The following CISD1 variants were observed in gnomAD, a reference collection of about 807,000 sequenced individuals.
CISD1 encodes the protein CDGSH iron-sulfur domain-containing protein 1.
Under a neutral mutation model 12.0 loss-of-function variants are expected in CISD1, and 8 were observed. The observed-to-expected ratio is 0.67, with a 90% CI of 0.39 to 1.20. The LOEUF (loss-of-function observed/expected upper bound fraction) is 1.20, where lower values mean the gene tolerates loss of function less well. Among genes scored for constraint, CISD1 ranks in the 50% most tolerant of loss-of-function variants. CISD1 has a pLI of 0.01. For synonymous variants in CISD1, 38 were observed against 42.2 expected, an observed-to-expected ratio of 0.90 and a Z score of 0.39; for missense variants, 107 against 132.7, an observed-to-expected ratio of 0.81 and a Z score of 0.95.
intron 1 of CISD1, among the ~76,000 whole-genome samples, chr10:58,274,301 G>A (rs1312062973): frequency 6.6e-6 from 1 of 151,860 alleles, no homozygotes; most frequent in Non-Finnish European, 1.5e-5. Flanking sequence ...TATCCTAATT[G>A]TTGATTTTTG....
intron 1 of CISD1, among the ~76,000 whole-genome samples, chr10:58,273,110 T>C (rs1430536153): frequency 6.6e-6 from 1 of 152,164 alleles, no homozygotes; most frequent in Non-Finnish European, 1.5e-5. Context: ...GTTTGTTTGT[T>C]TTTAATATAT....
At chr10:58,283,625 A>G (rs1031973763) in intron 2 of CISD1, among the ~76,000 whole-genome samples, 6 of 152,194 alleles carry the variant, frequency 3.9e-5, no homozygotes, top group African/African-American at 1.4e-4. Context: ...AAACAGAGGC[A>G]TAACTTGAGA....
intron 2 of CISD1, among the ~76,000 whole-genome samples, chr10:58,279,912 A>G (rs1440881634): frequency 6.6e-6 from 1 of 152,196 alleles, no homozygotes; most frequent in Non-Finnish European, 1.5e-5. Context: ...CAGGAGGATC[A>G]CTTGAGGCCA....
intron 2 of CISD1, among the ~76,000 whole-genome samples, chr10:58,282,688 G>A (rs1839385988): frequency 6.6e-6 from 1 of 152,246 alleles, no homozygotes; most frequent in Non-Finnish European, 1.5e-5. Flanking sequence ...TAGAGGAAAT[G>A]ATTAAAGTGA....
At chr10:58,272,310 T>A (rs1251080039) in intron 1 of CISD1, among the ~76,000 whole-genome samples, 1 of 152,014 alleles carries the variant, frequency 6.6e-6, no homozygotes, top group South Asian at 2.1e-4. Context: ...TTTTTTTTTT[T>A]ACTTTACCCT....
In CISD1 at chr10:58,277,051, A is replaced by C. The variant is rs541607875; in HGVS notation, c.32-66A>C. The C allele has an allele frequency of 2.5e-5, 28 of 1,137,780 alleles. No individual in the cohort carries two copies. In the Admixed American group the frequency reaches 5.2e-4, roughly 21 times the overall value. The allele number at this position is 1,137,780 out of a possible 1,614,324, so 70.5% of individuals were successfully genotyped here. ...ATACTCAAAAACTGGATTTTCTGAC[A>C]TGCATGTGATATTATTGGTGTATAT... On this transcript the variant is annotated intron_variant, in intron 1 of 2. Coordinates refer to ENST00000333926, the MANE Select transcript of CISD1 (RefSeq NM_018464.5).
At chr10:58,283,653 G>T (rs995920725) in intron 2 of CISD1, among the ~76,000 whole-genome samples, 17 of 152,204 alleles carry the variant, frequency 1.1e-4, no homozygotes, top group African/African-American at 3.6e-4. Flanking sequence ...CCATTAAAAA[G>T]AAATGTTGTG....
Position 58,273,063 on chromosome 10 carries a change from T to C in CISD1, c.31+3759T>C, listed in dbSNP as rs183992490. 1.7e-4 allele frequency among the ~76,000 whole-genome samples: 26 copies of C among 152,318 alleles called. No individual in the cohort carries two copies. The East Asian group carries it at 2.5e-3, about 15-fold the overall frequency. ...TCCATAATAAAGTTTTTTTAAAACATAGCTTCTTATATATACCTGAAGTTT... is the reference window on the plus strand; with the variant it reads ...TCCATAATAAAGTTTTTTTAAAACACAGCTTCTTATATATACCTGAAGTTT... On this transcript the variant is annotated intron_variant, in intron 1 of 2. Coordinates refer to ENST00000333926, the MANE Select transcript of CISD1 (RefSeq NM_018464.5).
rs1469256756 is a variant in CISD1, at chr10:58,288,923, C to G, written c.*1273C>G. 1 of 152,144 alleles carries G rather than the reference C, an allele frequency of 6.6e-6. No individual in the cohort carries two copies. Among genetic ancestry groups the G allele is most frequent in the East Asian group, 1.9e-4 (1 of 5,328 alleles). The allele number at this position is 152,144 out of a possible 1,614,324, so 9.4% of individuals were successfully genotyped here. ...TTTCTACTTGCTAAAATCCATTTAC[C>G]TTGACAGGAATCAAACCTGACAGCA... On this transcript the variant is annotated 3_prime_UTR_variant, in exon 3 of 3. Transcript: ENST00000333926.
At chr10:58,280,422 G>A (rs1839361264) in intron 2 of CISD1, among the ~76,000 whole-genome samples, 1 of 152,170 alleles carries the variant, frequency 6.6e-6, no homozygotes, top group African/African-American at 2.4e-5. Context: ...CTCATTGAAG[G>A]ATCTAAGCAT....
At position 58,271,031 on chromosome 10, in the gene CISD1, G is replaced by A. The variant is rs921996787; in HGVS notation, c.31+1727G>A. On this transcript the variant is annotated intron_variant, in intron 1 of 2. Transcript: ENST00000333926. ...AGATTACATATGTGAGACACCACAC[G>A]TTGCCATGACTATTTTTTTTTTTTT... 4.3e-5 allele frequency among the ~76,000 whole-genome samples: 6 copies of A among 139,286 alleles called. No individual in the cohort carries two copies. In the South Asian group the frequency reaches 1.4e-3, roughly 32 times the overall value. The allele number at this position is 139,286 out of a possible 152,430, so 91.4% of individuals were successfully genotyped here. A position where few individuals can be genotyped will look rare whatever the true frequency, so the allele number is the denominator to read the frequency against.
At chr10:58,272,297 A>G (rs1469460489) in intron 1 of CISD1, among the ~76,000 whole-genome samples, 2 of 147,814 alleles carry the variant, frequency 1.4e-5, no homozygotes, top group Non-Finnish European at 3.0e-5. Context: ...CCCTGAAATC[A>G]CTTTTTTTTT....
intron 2 of CISD1, among the ~76,000 whole-genome samples, chr10:58,283,364 A>T (rs1402978536): frequency 6.6e-6 from 1 of 152,200 alleles, no homozygotes. Flanking sequence ...AAATAGGTAC[A>T]TAAGAATGGT....
chr10:58,272,477 T>A (rs1021410160), intron 1 of CISD1, among the ~76,000 whole-genome samples: 2 of 152,216 alleles, frequency 1.3e-5, no homozygotes, highest in African/African-American at 4.8e-5. Context: ...TCTAATTCAT[T>A]TAACCACAAC....
chr10:58,271,791 T>G (rs988891242), intron 1 of CISD1, among the ~76,000 whole-genome samples: 1 of 152,174 alleles, frequency 6.6e-6, no homozygotes, highest in Non-Finnish European at 1.5e-5. Context: ...AGGCCAGGAC[T>G]GGAATCAGGC....
At chr10:58,287,398 T>C (rs191305799) in intron 2 of CISD1, among the ~76,000 whole-genome samples, 163 bp from the exon 3 acceptor site, 1 of 152,330 alleles carries the variant, frequency 6.6e-6, no homozygotes, top group Admixed American at 6.5e-5. Context: ...TTTCTTCATC[T>C]TACTAAGTAG....
At position 58,277,321 on chromosome 10, in the gene CISD1, A is replaced by G; in HGVS notation, c.236A>G (p.Lys79Arg). The G allele has an allele frequency of 6.4e-7, 1 of 1,570,840 alleles. No homozygotes were observed. The highest frequency in any genetic ancestry group is 1.4e-5 in the African/African-American group (1 of 72,810). Residue 79 changes from lysine (K) to arginine (R), a missense_variant and splice_region_variant, in exon 2 of 3, where the codon AAG becomes AGG. Transcript: ENST00000333926. Reference sequence around the variant, plus strand: ...TACTGCCGTTGTTGGAGGTCCAAAAAGGTGAGGAAAGCAATTCCTTCATAC... The same window carrying G: ...TACTGCCGTTGTTGGAGGTCCAAAAGGGTGAGGAAAGCAATTCCTTCATAC... ...AVYCRCWRSK[K>R]FPFCDGAHTK... is the part of the protein sequence containing the mutation.
intron 2 of CISD1, among the ~76,000 whole-genome samples, chr10:58,281,106 A>G (rs1054755800): frequency 6.6e-6 from 1 of 152,252 alleles, no homozygotes; most frequent in African/African-American, 2.4e-5. Context: ...CCCAGAGGGC[A>G]AAGAATCCAA....
chr10:58,286,000 TC>T (rs1284071863), intron 2 of CISD1, among the ~76,000 whole-genome samples: 1 of 151,870 alleles, frequency 6.6e-6, no homozygotes, highest in East Asian at 1.9e-4. Context: ...GGTCAGGAGA[TC>T]GAGACCATCC....
Sources: gnomAD v4.1 joint callset for allele counts (sites outside exome capture counted in the v4.1 genomes callset) on GRCh38, gnomAD v4.1.1 for gene constraint, MANE v1.5 for transcripts, NCBI Gene and HGNC (gene_info 2026-07-23, HGNC 2026-07-21) for gene names.